PKHD1: variants seen among roughly 807,000 people sequenced by gnomAD.
PKHD1 encodes PKHD1 ciliary IPT domain containing fibrocystin/polyductin.
Under a neutral mutation model 412.0 loss-of-function variants are expected in PKHD1, and 291 were observed. The observed-to-expected ratio is 0.71, with a 90% CI of 0.64 to 0.78. The LOEUF is 0.78. PKHD1 is among the 30% of genes least tolerant of loss of function. The pLI is 0.00. For missense variants in PKHD1, 4,825 were observed against 4,950.7 expected (o/e 0.97, Z 0.76); for synonymous variants, 1,777 against 1,821.5 (o/e 0.98, Z 0.62).
intron 36 of PKHD1, among the ~76,000 whole-genome samples, chr6:51,936,715 C>T (rs1487911172): frequency 6.6e-6 from 1 of 152,144 alleles, no homozygotes; most frequent in Non-Finnish European, 1.5e-5. Context: ...CCTCATTATA[C>T]CCTCCTCCCT....
chr6:51,990,222 G>A (rs1796882545), intron 35 of PKHD1, among the ~76,000 whole-genome samples: 1 of 151,836 alleles, frequency 6.6e-6, no homozygotes, highest in Non-Finnish European at 1.5e-5. Context: ...TCATTGGGAA[G>A]GCACTAGGGC....
At chr6:51,897,179 A>C (rs1463016580) in intron 43 of PKHD1, among the ~76,000 whole-genome samples, 7 of 152,172 alleles carry the variant, frequency 4.6e-5, no homozygotes, top group African/African-American at 4.8e-5. Context: ...AAAGATATTC[A>C]TCGAGAAGAG....
intron 52 of PKHD1, among the ~76,000 whole-genome samples, chr6:51,816,918 C>T (rs1324755367): frequency 6.6e-6 from 1 of 152,144 alleles, no homozygotes; most frequent in Non-Finnish European, 1.5e-5. Flanking sequence ...AATACCCTTC[C>T]CTCCACTCCC....
intron 35 of PKHD1, among the ~76,000 whole-genome samples, chr6:51,961,984 T>C (rs927185): frequency 0.81 from 122,968 of 152,042 alleles, 50,143 homozygotes; most frequent in African/African-American, 0.91. Context: ...TTAATGATCC[T>C]CTCAGATGAC....
chr6:52,001,956 A>G (rs1324871687), intron 35 of PKHD1, among the ~76,000 whole-genome samples: 4 of 152,180 alleles, frequency 2.6e-5, no homozygotes, highest in African/African-American at 9.6e-5. Context: ...TATTTAACCA[A>G]AAATGATAAT....
At position 51,871,856 on chromosome 6, in the gene PKHD1, A is replaced by G. The variant is rs549348115; in HGVS notation, c.7351-1217T>C. ...ATTTTTGCAATCACTCCCAACATGAAAAATGATGAAACAATAAACAAATAG... is the reference window on the plus strand; with the variant it reads ...ATTTTTGCAATCACTCCCAACATGAGAAATGATGAAACAATAAACAAATAG... On this transcript the variant is annotated intron_variant, in intron 46 of 66. Transcript: ENST00000371117. Among the ~76,000 whole-genome samples the G allele has an allele frequency of 1.7e-5, 2 of 118,420 alleles. 1 individual carries two copies. Among genetic ancestry groups the G allele is most frequent in the Admixed American group, 1.6e-4 (2 of 12,606 alleles). The allele number at this position is 118,420 out of a possible 152,430, so 77.7% of individuals were successfully genotyped here.
chr6:52,072,896 A>G (rs1810838889), intron 7 of PKHD1, among the ~76,000 whole-genome samples: 1 of 152,192 alleles, frequency 6.6e-6, no homozygotes, highest in Non-Finnish European at 1.5e-5. Flanking sequence ...CAATTTCAAC[A>G]CTTTTTGTCT....
At chr6:51,840,418 A>G (rs1317723780) in intron 50 of PKHD1, among the ~76,000 whole-genome samples, 8 of 152,196 alleles carry the variant, frequency 5.3e-5, no homozygotes, top group Non-Finnish European at 1.2e-4. Context: ...GGACAAAAGG[A>G]AAAGAACTTG....
In PKHD1 at chr6:52,033,173, A is replaced by G; in HGVS notation, c.3229-8T>C. The G allele has an allele frequency of 6.2e-7, 1 of 1,610,678 alleles. No homozygotes were observed. On this transcript the variant is annotated splice_region_variant and splice_polypyrimidine_tract_variant and intron_variant, in intron 28 of 66. Coordinates refer to ENST00000371117, the MANE Select transcript of PKHD1 (RefSeq NM_138694.4). Reference sequence around the variant, plus strand: ...AATGCGTCCATCTTTCCCCTGAAAAATCAATTTTAAAAATTAAACCTCAGT... The same window carrying G: ...AATGCGTCCATCTTTCCCCTGAAAAGTCAATTTTAAAAATTAAACCTCAGT...
chr6:51,670,893 T>C (rs1451807643), intron 60 of PKHD1, among the ~76,000 whole-genome samples: 1 of 152,010 alleles, frequency 6.6e-6, no homozygotes, highest in Non-Finnish European at 1.5e-5. Context: ...TCTTCTGGCT[T>C]GTAGAGTTTC....
chr6:52,055,710 A>T lies in PKHD1; in HGVS notation c.1713T>A (p.Ser571=), dbSNP rs755918970. 4.3e-6 allele frequency: 7 copies of T among 1,613,934 alleles called. No homozygotes were observed. The Admixed American group carries it at 1.2e-4, about 27-fold the overall frequency. The stretch of plus-strand genomic sequence containing the variant: ...CCGTCCCACTGGTGAGGTCCCCATC[A>T]GAGTTGGAAACTTCTGGGCCTGGAT... ...GFERGPEVSN[S]DGDLTSGTEP... is the part of the protein sequence containing the mutation. The change falls in exon 19 of 67, where the codon TCT becomes TCA. Residue 571 remains serine (S), a synonymous_variant. Transcript: ENST00000371117.
intron 64 of PKHD1, among the ~76,000 whole-genome samples, chr6:51,635,228 C>T (rs1561995408): frequency 6.6e-6 from 1 of 152,042 alleles, no homozygotes; most frequent in Non-Finnish European, 1.5e-5. Flanking sequence ...CCCCGCACAG[C>T]CTAGGGGGAG....
At chr6:52,052,368 C>T (rs540843445) in intron 21 of PKHD1, among the ~76,000 whole-genome samples, 2 of 152,296 alleles carry the variant, frequency 1.3e-5, no homozygotes, top group African/African-American at 4.8e-5. Flanking sequence ...CGGGCAAGAG[C>T]CAGGTGAGAC....
intron 29 of PKHD1, among the ~76,000 whole-genome samples, chr6:52,028,756 C>T (rs932950627): frequency 1.3e-5 from 2 of 152,196 alleles, no homozygotes; most frequent in African/African-American, 4.8e-5. Flanking sequence ...AACCAATCTG[C>T]CTGCCTTGGC....
rs187944723 is a variant in PKHD1 at position 51,977,830 on chromosome 6, G to C, written c.5752-17804C>G. Among the ~76,000 whole-genome samples the C allele has an allele frequency of 8.7e-3, 1,323 of 152,288 alleles. 9 individuals carry two copies. Among genetic ancestry groups the C allele is most frequent in the Non-Finnish European group, 0.014 (921 of 68,022 alleles). On this transcript the variant is annotated intron_variant, in intron 35 of 66. Transcript: ENST00000371117. ...TTGCCCAGTGGCAGAGGGAAGAGGG[G>C]GCACTGGTTTGGGGGCAAGCTACAT...
intron 65 of PKHD1, among the ~76,000 whole-genome samples, chr6:51,627,452 C>A (rs1310264884): frequency 1.3e-5 from 2 of 151,840 alleles, no homozygotes; most frequent in Non-Finnish European, 2.9e-5. Flanking sequence ...TTTTTATATT[C>A]ATTACATGCT....
At chr6:51,682,446 C>T (rs555041519) in intron 60 of PKHD1, among the ~76,000 whole-genome samples, 6 of 152,122 alleles carry the variant, frequency 3.9e-5, no homozygotes, top group East Asian at 1.9e-4. Flanking sequence ...TGACATACTG[C>T]GCACAGATTA....
At chr6:51,924,797 C>T (rs1785258488) in intron 37 of PKHD1, among the ~76,000 whole-genome samples, 1 of 152,196 alleles carries the variant, frequency 6.6e-6, no homozygotes, top group Non-Finnish European at 1.5e-5. Flanking sequence ...AAACGGTAAA[C>T]ACCATCCCAT....
intron 5 of PKHD1, among the ~76,000 whole-genome samples, chr6:52,077,828 T>C (rs1334657049): frequency 2.0e-5 from 3 of 152,162 alleles, no homozygotes; most frequent in Non-Finnish European, 4.4e-5. Context: ...AAGATAAAGA[T>C]TAATACAGTT....
Sources: gnomAD v4.1 joint callset for allele counts (sites outside exome capture counted in the v4.1 genomes callset) on GRCh38, gnomAD v4.1.1 for gene constraint, MANE v1.5 for transcripts, NCBI Gene and HGNC (gene_info 2026-07-23, HGNC 2026-07-21) for gene names.